The following CCNT1 variants were observed in gnomAD, a reference collection of about 807,000 sequenced individuals.
The protein encoded by CCNT1 is cyclin-T1.
In CCNT1, 18 loss-of-function variants were observed where a neutral mutation model predicts 67.3. That is an observed-to-expected ratio of 0.27 (90% confidence interval 0.18 to 0.40). The LOEUF is 0.40. Among genes scored for constraint, CCNT1 ranks in the 10% least tolerant of loss-of-function variants. CCNT1 has a pLI of 1.00. For missense variants in CCNT1, 744 were observed against 884.9 expected, an observed-to-expected ratio of 0.84 and a Z score of 2.02; for synonymous variants, 333 against 310.3, an observed-to-expected ratio of 1.07 and a Z score of -0.77.
At chr12:48,696,556 GA>G (rs1940172099) in intron 6 of CCNT1, among the ~76,000 whole-genome samples, 1 of 152,094 alleles carries the variant, frequency 6.6e-6, no homozygotes, top group East Asian at 1.9e-4. Context: ...AGATCCTAAG[GA>G]AAATTGTAAG....
Position 48,698,244 on chromosome 12 carries a change from T to C in CCNT1, c.497-61A>G, listed in dbSNP as rs531297280. On this transcript the variant is annotated intron_variant, in intron 5 of 8. Coordinates refer to ENST00000261900, the MANE Select transcript of CCNT1 (RefSeq NM_001240.4). ...GAAAAAAGTTATTAGTTCCATTCAT[T>C]CTCAACAAATATTTAGTAAGCATTT... 12 of 1,178,382 alleles carry C rather than the reference T, an allele frequency of 1.0e-5. No homozygotes were observed. The African/African-American group carries it at 1.6e-4, about 15-fold the overall frequency. The allele number at this position is 1,178,382 out of a possible 1,614,324, so 73.0% of individuals were successfully genotyped here.
chr12:48,710,049 G>A (rs905733392), intron 2 of CCNT1, among the ~76,000 whole-genome samples: 1 of 152,064 alleles, frequency 6.6e-6, no homozygotes, highest in African/African-American at 2.4e-5. Flanking sequence ...ACGCCACCAT[G>A]CCCGGCTGAT....
intron 2 of CCNT1, among the ~76,000 whole-genome samples, chr12:48,712,578 TTAAAAAAAAAAAAAAA>T (rs1274799654): frequency 0.12 from 7,234 of 59,360 alleles, 226 homozygotes; most frequent in African/African-American, 0.2. Flanking sequence ...AATCTTTTCC[TTAAAAAAAAAAAAAAA>T]TAAAAAAAAA....
intron 3 of CCNT1, among the ~76,000 whole-genome samples, chr12:48,702,022 G>A (rs550773924): frequency 7.0e-4 from 106 of 152,062 alleles, no homozygotes; most frequent in Non-Finnish European, 1.2e-3. Context: ...TCAGCCTCCC[G>A]AGTAGGTGGG....
rs979517640 is a variant in CCNT1 at position 48,692,584 on chromosome 12, AACTT to A, written c.*445_*448del. 4.5e-5 allele frequency: 7 copies of A among 156,802 alleles called. No individual in the cohort carries two copies. Among genetic ancestry groups the A allele is most frequent in the African/African-American group, 9.7e-5 (4 of 41,408 alleles). The allele number at this position is 156,802 out of a possible 1,614,324, so 9.7% of individuals were successfully genotyped here. A position where few individuals can be genotyped will look rare whatever the true frequency, so the allele number is the denominator to read the frequency against. On this transcript the variant is annotated 3_prime_UTR_variant, in exon 9 of 9. Transcript: ENST00000261900. ...AATTATATAAAAAAACTAAACAGAT[AACTT>A]ACTTTCTTTAAATTATTAAGTCTAT... is the stretch of plus-strand genomic sequence containing the variant.
intron 4 of CCNT1, 105 bp from the exon 5 acceptor site, chr12:48,699,945 A>C (rs1940237679): frequency 1.6e-6 from 1 of 643,032 alleles, no homozygotes; most frequent in Non-Finnish European, 2.7e-6. Context: ...TGGTTTCCAC[A>C]CTAAAATATT....
At chr12:48,714,851 C>T (rs1040823925) in intron 1 of CCNT1, among the ~76,000 whole-genome samples, 1 of 152,176 alleles carries the variant, frequency 6.6e-6, no homozygotes, top group Non-Finnish European at 1.5e-5. Context: ...CACACTCTGT[C>T]GCCCACACTG....
chr12:48,712,281 G>C (rs1940463252), intron 2 of CCNT1, among the ~76,000 whole-genome samples: 1 of 151,832 alleles, frequency 6.6e-6, no homozygotes, highest in Non-Finnish European at 1.5e-5. Flanking sequence ...ATCCTCAAAA[G>C]CATAATCTTT....
chr12:48,709,896 T>C (rs575176931), intron 2 of CCNT1, among the ~76,000 whole-genome samples: 1 of 135,044 alleles, frequency 7.4e-6, no homozygotes, highest in South Asian at 2.2e-4. Context: ...GGTTTCTTCA[T>C]TTTTTTTTTT....
chr12:48,694,023 T>C lies in CCNT1; in HGVS notation c.1191A>G (p.Ala397=). 6.2e-6 allele frequency: 10 copies of C among 1,614,282 alleles called. No individual in the cohort carries two copies. The highest frequency in any genetic ancestry group is 8.5e-6 in the Non-Finnish European group (10 of 1,180,040). The part of the protein sequence containing the change: ...VSLKEYRAKH[A]EELAAQKRQL... ...GCCTCTTCTGGGCAGCCAATTCTTCTGCATGCTTCGCGCGGTATTCTTTCA... is the reference window on the plus strand; with the variant it reads ...GCCTCTTCTGGGCAGCCAATTCTTCCGCATGCTTCGCGCGGTATTCTTTCA... Residue 397 remains alanine, a synonymous_variant, in exon 9 of 9, where the codon GCA becomes GCG. Transcript: ENST00000261900.
rs1225854070 is a variant in CCNT1, at chr12:48,693,437, T to C, written c.1777A>G (p.Lys593Glu). Reference protein sequence around the residue: ...AVFDHPAKIAKSTKSSSLNFS... With the variant: ...AVFDHPAKIAESTKSSSLNFS... The stretch of plus-strand genomic sequence containing the variant: ...TTTAGGGAAGAGGATTTAGTACTCT[T>C]GGCAATCTTGGCTGGATGATCAAAC... The change falls in exon 9 of 9, where the codon AAG becomes GAG. Residue 593 changes from lysine (K) to glutamate (E), a missense_variant. By Grantham distance (56) the Lys-to-Glu change is moderately conservative (BLOSUM62 1). This residue lies in a region of CCNT1 where 564 missense variants were observed against 574.2 expected (regional missense o/e 0.98). Transcript: ENST00000261900. 2 of 1,614,228 alleles carry C rather than the reference T, an allele frequency of 1.2e-6. No homozygotes were observed. Among genetic ancestry groups the C allele is most frequent in the Non-Finnish European group, 1.7e-6 (2 of 1,180,036 alleles).
chr12:48,693,872 C>G lies in CCNT1; in HGVS notation c.1342G>C (p.Glu448Gln), dbSNP rs1179513215. ...TCAGCCTTTTCCAGAAAAGGCCGCT[C>G]GGGGTTTTCTGAACCCTCTATGGGC... ...KMPIEGSENP[E>Q]RPFLEKADKT... Residue 448 changes from glutamate (E) to glutamine (Q), a missense_variant, in exon 9 of 9, where the codon GAG becomes CAG. Coordinates refer to ENST00000261900, the MANE Select transcript of CCNT1 (RefSeq NM_001240.4). The G allele has an allele frequency of 1.9e-6, 3 of 1,613,990 alleles. No homozygotes were observed. Among genetic ancestry groups the G allele is most frequent in the Non-Finnish European group, 2.5e-6 (3 of 1,179,984 alleles).
chr12:48,692,899 CTA>C lies in CCNT1; in HGVS notation c.*132_*133del. 1 of 639,934 alleles carries C rather than the reference CTA, an allele frequency of 1.6e-6. No individual in the cohort carries two copies. The highest frequency in any genetic ancestry group is 2.7e-6 in the Non-Finnish European group (1 of 375,428). The allele number at this position is 639,934 out of a possible 1,614,324, so 39.6% of individuals were successfully genotyped here. On this transcript the variant is annotated 3_prime_UTR_variant, in exon 9 of 9. Transcript: ENST00000261900. ...CCAAGGCCTTCTACCACCCTCCTAA[CTA>C]TGTCTCAATATCAATTTATTCCCTA...
intron 2 of CCNT1, among the ~76,000 whole-genome samples, chr12:48,713,903 G>T (rs1256191112): frequency 2.0e-5 from 3 of 151,540 alleles, no homozygotes; most frequent in Non-Finnish European, 2.9e-5. Context: ...GTTTTTTGGG[G>T]TTTTTTTTGA....
In CCNT1 at chr12:48,693,406, G is replaced by A. The variant is rs768792886; in HGVS notation, c.1808C>T (p.Ser603Phe). The stretch of plus-strand genomic sequence containing the variant: ...ACCCATTGTAGGAAGTGAAGGGAAG[G>A]AGAAATTTAGGGAAGAGGATTTAGT... The part of the protein sequence containing the change: ...KSTKSSSLNF[S>F]FPSLPTMGQM... The change falls in exon 9 of 9, where the codon TCC becomes TTC. Residue 603 changes from serine to phenylalanine, a missense_variant. Coordinates refer to ENST00000261900, the MANE Select transcript of CCNT1 (RefSeq NM_001240.4). 6 of 1,614,094 alleles carry A rather than the reference G, an allele frequency of 3.7e-6. No individual in the cohort carries two copies. In the South Asian group the frequency reaches 6.6e-5, roughly 18 times the overall value.
chr12:48,712,866 C>A (rs377760634), intron 2 of CCNT1, among the ~76,000 whole-genome samples: 1 of 151,408 alleles, frequency 6.6e-6, no homozygotes. Context: ...CTTGAATCTG[C>A]GAGGCGGAGG....
intron 5 of CCNT1, 22 bp downstream of exon 5, chr12:48,699,756 T>C: frequency 6.5e-7 from 1 of 1,547,682 alleles, no homozygotes; most frequent in Middle Eastern, 1.7e-4. Flanking sequence ...TGAGATAGTC[T>C]TCATAAGCTG....
At chr12:48,700,910 C>T (rs891837264) in intron 4 of CCNT1, 103 bp downstream of exon 4, 30 of 680,250 alleles carry the variant, frequency 4.4e-5, no homozygotes, top group Non-Finnish European at 6.7e-5. Context: ...AGGGACACTA[C>T]AAAAACTTTC....
chr12:48,688,486 T>C lies in CCNT1; in HGVS notation c.*4547A>G, dbSNP rs2137215292. On this transcript the variant is annotated 3_prime_UTR_variant, in exon 9 of 9. Transcript: ENST00000261900. ...GTGTTTTACCATTAACATTTATTGA[T>C]GGGATGGATAAATACAGATTGAGAA... The C allele has an allele frequency of 6.6e-6, 1 of 152,070 alleles. No individual in the cohort carries two copies. The highest frequency in any genetic ancestry group is 6.5e-5 in the Admixed American group (1 of 15,274). The allele number at this position is 152,070 out of a possible 1,614,324, so 9.4% of individuals were successfully genotyped here.
Sources: allele counts gnomAD v4.1 joint callset (sites outside exome capture counted in the v4.1 genomes callset), GRCh38; gene constraint gnomAD v4.1.1; regional missense constraint gnomAD v4.1.1; transcripts MANE v1.5; gene names NCBI Gene and HGNC (gene_info 2026-07-23, HGNC 2026-07-21).